The following DENND1A variants were observed in gnomAD, a reference collection of about 807,000 sequenced individuals.
The protein encoded by DENND1A is DENN domain-containing protein 1A.
In DENND1A, 51 loss-of-function variants were observed where a neutral mutation model predicts 113.7. The ratio of observed to expected loss-of-function variants is 0.45; its 90% CI spans 0.36 to 0.57. DENND1A has a LOEUF of 0.57. Among genes scored for constraint, DENND1A ranks in the 20% least tolerant of loss-of-function variants. The pLI is 0.00. For missense variants in DENND1A, 1,258 were observed against 1,395.9 expected (o/e 0.90, Z 1.57); for synonymous variants, 565 against 570.8 (o/e 0.99, Z 0.14).
chr9:123,578,825 A>G (rs1489173229), intron 12 of DENND1A, among the ~76,000 whole-genome samples: 3 of 149,044 alleles, frequency 2.0e-5, no homozygotes, highest in Non-Finnish European at 4.4e-5. Context: ...GAAGGTCAGA[A>G]AAGATTCAGT....
rs2047799721 is a variant in DENND1A, at chr9:123,452,497, CCAGT to C, written c.1228-154_1228-151del. 7.4e-6 allele frequency: 5 copies of C among 676,474 alleles called. No homozygotes were observed. The Admixed American group carries it at 1.1e-4, about 15-fold the overall frequency. The allele number at this position is 676,474 out of a possible 1,614,324, so 41.9% of individuals were successfully genotyped here. Reference sequence around the variant, plus strand: ...AGGCCTGGATGATAACTGGTCCCTGCCAGTCAGTTATGGTCATGACAGAAGGACT... The same window carrying C: ...AGGCCTGGATGATAACTGGTCCCTGCCAGTTATGGTCATGACAGAAGGACT... On this transcript the variant is annotated intron_variant, in intron 16 of 23. Coordinates refer to ENST00000394215, the MANE Select transcript of DENND1A (RefSeq NM_001352964.2).
At chr9:123,803,174 T>C (rs1355656001) in intron 2 of DENND1A, among the ~76,000 whole-genome samples, 2 of 152,186 alleles carry the variant, frequency 1.3e-5, no homozygotes, top group African/African-American at 4.8e-5. Flanking sequence ...TGCACCCATA[T>C]AGCTAACAGG....
intron 21 of DENND1A, chr9:123,401,882 G>A (rs746763282): frequency 6.2e-7 from 1 of 1,614,242 alleles, no homozygotes; most frequent in South Asian, 1.1e-5. Context: ...TCTGTAGGAT[G>A]TGGAGTGTAG....
At chr9:123,731,012 A>G (rs558107682) in intron 5 of DENND1A, among the ~76,000 whole-genome samples, 2 of 152,300 alleles carry the variant, frequency 1.3e-5, no homozygotes, top group African/African-American at 2.4e-5. Context: ...CACAAACAGA[A>G]AACCAAACAC....
intron 9 of DENND1A, among the ~76,000 whole-genome samples, chr9:123,643,710 A>G (rs147636396): frequency 6.6e-6 from 1 of 152,358 alleles, no homozygotes; most frequent in East Asian, 1.9e-4. Flanking sequence ...GCCAAGTCTA[A>G]GAAGGCATGG....
At chr9:123,459,118 G>A (rs2048351922) in intron 13 of DENND1A, among the ~76,000 whole-genome samples, 1 of 152,188 alleles carries the variant, frequency 6.6e-6, no homozygotes, top group Non-Finnish European at 1.5e-5. Flanking sequence ...GCAGTGAACT[G>A]AGATGGCGCC....
intron 19 of DENND1A, among the ~76,000 whole-genome samples, chr9:123,436,024 G>C (rs2046490010): frequency 6.6e-6 from 1 of 152,208 alleles, no homozygotes; most frequent in African/African-American, 2.4e-5. Context: ...AGCCAGTCAA[G>C]GCCAGCCATT....
At chr9:123,885,941 G>A (rs55878667) in intron 1 of DENND1A, among the ~76,000 whole-genome samples, 12,723 of 152,038 alleles carry the variant, frequency 0.084, 1,116 homozygotes, top group African/African-American at 0.22. Context: ...CACCATGTCC[G>A]GGATTTTTGT....
chr9:123,664,347 C>T (rs2063392658), intron 8 of DENND1A, among the ~76,000 whole-genome samples: 1 of 152,024 alleles, frequency 6.6e-6, no homozygotes, highest in South Asian at 2.1e-4. Context: ...AGAAAATTTT[C>T]TCTTTTCACA....
intron 1 of DENND1A, among the ~76,000 whole-genome samples, chr9:123,890,458 T>G (rs1411898883): frequency 6.6e-6 from 1 of 152,246 alleles, no homozygotes; most frequent in Non-Finnish European, 1.5e-5. Context: ...TGCTTTTATG[T>G]TCTTTCTTAT....
intron 13 of DENND1A, among the ~76,000 whole-genome samples, chr9:123,516,884 CAAA>C (rs546001517): frequency 5.4e-5 from 5 of 93,380 alleles, no homozygotes; most frequent in Non-Finnish European, 7.7e-5. Flanking sequence ...GACTCTGTCT[CAAA>C]AAAAAAAAAA....
intron 19 of DENND1A, among the ~76,000 whole-genome samples, chr9:123,417,249 T>C (rs940277238): frequency 1.3e-5 from 2 of 152,248 alleles, no homozygotes; most frequent in Non-Finnish European, 2.9e-5. Flanking sequence ...CACAGGTCTT[T>C]CCAGAAAAGT....
At chr9:123,410,782 T>C (rs2044243890) in intron 20 of DENND1A, among the ~76,000 whole-genome samples, 1 of 152,168 alleles carries the variant, frequency 6.6e-6, no homozygotes, top group Admixed American at 6.5e-5. Flanking sequence ...GACACTGGGT[T>C]GTGGGGTACT....
intron 23 of DENND1A, 85 bp downstream of exon 23, chr9:123,383,570 T>C: frequency 6.5e-7 from 1 of 1,534,324 alleles, no homozygotes. Context: ...TCTCCCTTAG[T>C]CTCTTCCACT....
At position 123,380,404 on chromosome 9, in the gene DENND1A, C is replaced by T. The variant is rs1261902871; in HGVS notation, c.*1028G>A. The T allele has an allele frequency of 6.6e-6, 1 of 152,562 alleles. No homozygotes were observed. The highest frequency in any genetic ancestry group is 2.4e-5 in the African/African-American group (1 of 41,460). 9.5% of individuals were successfully genotyped at this position (152,562 alleles called of 1,614,324 possible). On this transcript the variant is annotated 3_prime_UTR_variant, in exon 24 of 24. Coordinates refer to ENST00000394215, the MANE Select transcript of DENND1A (RefSeq NM_001352964.2). ...GGTGGGGAGGGACTGGCTTCTAGCC[C>T]TCCTCCTGCTTCCCCGAGGCAGAGA...
intron 2 of DENND1A, among the ~76,000 whole-genome samples, chr9:123,815,284 T>C (rs1256879183): frequency 4.6e-5 from 7 of 152,238 alleles, no homozygotes; most frequent in African/African-American, 1.7e-4. Flanking sequence ...CTTTTGTTTT[T>C]AAATCAGCAG....
At chr9:123,807,645 T>G (rs981092357) in intron 2 of DENND1A, among the ~76,000 whole-genome samples, 1 of 152,232 alleles carries the variant, frequency 6.6e-6, no homozygotes, top group Non-Finnish European at 1.5e-5. Flanking sequence ...CATACATGTT[T>G]GCTGAATTGA....
intron 5 of DENND1A, among the ~76,000 whole-genome samples, chr9:123,690,245 AAACT>A (rs2065107060): frequency 1.3e-5 from 2 of 152,130 alleles, no homozygotes; most frequent in Non-Finnish European, 2.9e-5. Flanking sequence ...AAGAAAAGAC[AAACT>A]AATAGTGGTT....
At chr9:123,911,715 C>A (rs954019574) in intron 1 of DENND1A, among the ~76,000 whole-genome samples, 1 of 149,288 alleles carries the variant, frequency 6.7e-6, no homozygotes, top group Non-Finnish European at 1.5e-5. Flanking sequence ...TTTTTTGAGG[C>A]GGAGTCTTGC....
Sources: allele counts gnomAD v4.1 joint callset (sites outside exome capture counted in the v4.1 genomes callset), GRCh38; gene constraint gnomAD v4.1.1; transcripts MANE v1.5; gene names NCBI Gene and HGNC (gene_info 2026-07-23, HGNC 2026-07-21).